The following PGBD2 variants were observed in gnomAD, a reference collection of about 807,000 sequenced individuals.
PGBD2 encodes the protein piggyBac transposable element-derived protein 2.
In PGBD2, 6 loss-of-function variants were observed where a neutral mutation model predicts 8.1. That is an observed-to-expected ratio of 0.74 (90% CI 0.40 to 1.46). PGBD2 has a LOEUF of 1.46. Ranked by LOEUF, PGBD2 falls within the 40% of genes most tolerant of loss-of-function variation. The probability of loss-of-function intolerance (pLI) is 0.02; values close to 1 mark genes in which losing one functional copy is unlikely to be tolerated. For synonymous variants in PGBD2, 318 were observed against 272.2 expected (o/e 1.17, Z -1.66); for missense variants, 802 against 739.0 (o/e 1.09, Z -0.99).
chr1:248,878,402 T>TA, the PGBD2 span, among the ~76,000 whole-genome samples: 1 of 152,084 alleles, frequency 6.6e-6, no homozygotes, highest in East Asian at 1.9e-4. Flanking sequence ...TGGTCTCGAA[T>TA]TCCTGACCTC....
downstream of PGBD2, chr1:248,919,946 G>A (rs1015397797): frequency 2.0e-5 from 3 of 152,376 alleles, no homozygotes; most frequent in African/African-American, 7.2e-5. Context: ...GCGCAATCTC[G>A]GCTCACTGCA....
intron 1 of PGBD2, chr1:248,906,564 G>T (rs970892812): frequency 1.3e-5 from 2 of 148,798 alleles, no homozygotes; most frequent in Non-Finnish European, 3.0e-5. Flanking sequence ...GGCCGGGCCG[G>T]CTGAGCGGGA....
chr1:248,874,231 A>ATT, the PGBD2 span, among the ~76,000 whole-genome samples: 2 of 152,156 alleles, frequency 1.3e-5, no homozygotes, highest in African/African-American at 4.8e-5. Flanking sequence ...CATATTGCTA[A>ATT]ATGACGCATC....
At chr1:248,920,959 T>C (rs1454218227), downstream of PGBD2, among the ~76,000 whole-genome samples, 1 of 152,092 alleles carries the variant, frequency 6.6e-6, no homozygotes, top group East Asian at 1.9e-4. Flanking sequence ...GAAGTGTCTG[T>C]TCATATTCTT....
the PGBD2 span, among the ~76,000 whole-genome samples, chr1:248,891,063 C>T: frequency 1.3e-5 from 2 of 152,174 alleles, no homozygotes; most frequent in African/African-American, 4.8e-5. Context: ...ATCACTCACG[C>T]ACTGACGCAT....
downstream of PGBD2, among the ~76,000 whole-genome samples, chr1:248,923,859 G>T (rs1018218808): frequency 6.6e-6 from 1 of 152,166 alleles, no homozygotes; most frequent in African/African-American, 2.4e-5. Flanking sequence ...GAGTTACTTG[G>T]CTGGACCTCA....
the PGBD2 span, among the ~76,000 whole-genome samples, chr1:248,883,594 T>C: frequency 7.2e-6 from 1 of 139,574 alleles, no homozygotes; most frequent in East Asian, 2.0e-4. Context: ...CTTTTTTTTT[T>C]TTTTTTTTTT....
At chr1:248,908,684 ATT>A (rs35383461) in intron 1 of PGBD2, among the ~76,000 whole-genome samples, 1 of 146,194 alleles carries the variant, frequency 6.8e-6, no homozygotes, top group East Asian at 2.0e-4. Context: ...CTCTTCCTGT[ATT>A]TTTTTTTTTT....
chr1:248,906,674 C>T, intron 1 of PGBD2, among the ~76,000 whole-genome samples: 1 of 1,970 alleles, frequency 5.1e-4, no homozygotes, highest in East Asian at 9.3e-3. Context: ...GCGGGGTGGG[C>T]GGGACGAAGG....
At chr1:248,874,369 C>G in the PGBD2 span, among the ~76,000 whole-genome samples, 1 of 152,126 alleles carries the variant, frequency 6.6e-6, no homozygotes, top group Non-Finnish European at 1.5e-5. Flanking sequence ...AGGTGATGTT[C>G]CCAGAGTCAG....
chr1:248,915,415 G>C (rs1316426896), intron 2 of PGBD2, among the ~76,000 whole-genome samples: 1 of 152,166 alleles, frequency 6.6e-6, no homozygotes, highest in Non-Finnish European at 1.5e-5. Flanking sequence ...AATTATATGA[G>C]CTATTTAATA....
the PGBD2 span, among the ~76,000 whole-genome samples, chr1:248,895,374 G>T: frequency 6.6e-6 from 1 of 152,158 alleles, no homozygotes; most frequent in African/African-American, 2.4e-5. Context: ...AGAGGAGGAA[G>T]GACAAAGAGG....
the PGBD2 span, among the ~76,000 whole-genome samples, chr1:248,881,116 T>C: frequency 1.3e-5 from 2 of 152,086 alleles, no homozygotes; most frequent in Non-Finnish European, 2.9e-5. Flanking sequence ...GTGGAGTATC[T>C]GAGAACCTTC....
At chr1:248,913,710 T>C (rs2103111529) in intron 1 of PGBD2, 106 bp from the exon 2 acceptor site, 1 of 703,738 alleles carries the variant, frequency 1.4e-6, no homozygotes, top group South Asian at 1.7e-5. Context: ...ATTAAGGTGG[T>C]GAATCTTAAG....
the PGBD2 span, among the ~76,000 whole-genome samples, chr1:248,873,962 ATTCG>A: frequency 6.6e-6 from 1 of 152,122 alleles, no homozygotes; most frequent in Admixed American, 6.6e-5. Context: ...CTTCTGACAC[ATTCG>A]TTTTATTAGC....
chr1:248,922,595 G>C (rs1453321439), downstream of PGBD2, among the ~76,000 whole-genome samples: 1 of 152,122 alleles, frequency 6.6e-6, no homozygotes, highest in Non-Finnish European at 1.5e-5. Context: ...CTATGAGTTT[G>C]TCATAAACAG....
the PGBD2 span, among the ~76,000 whole-genome samples, chr1:248,926,818 T>C: frequency 6.6e-6 from 1 of 152,308 alleles, no homozygotes; most frequent in East Asian, 1.9e-4. Flanking sequence ...CCATATGTTC[T>C]TATTTTAAGG....
intron 1 of PGBD2, among the ~76,000 whole-genome samples, chr1:248,907,605 G>A (rs1216373876): frequency 1.3e-5 from 2 of 152,156 alleles, no homozygotes; most frequent in Non-Finnish European, 2.9e-5. Flanking sequence ...GCTTTTCATG[G>A]TGCATTGCGC....
the PGBD2 span, among the ~76,000 whole-genome samples, chr1:248,890,812 ACAC>A: frequency 5.3e-5 from 8 of 150,426 alleles, no homozygotes; most frequent in African/African-American, 1.7e-4. Flanking sequence ...CACACCACAC[ACAC>A]AACATACACC....
Sources: allele counts gnomAD v4.1 joint callset (sites outside exome capture counted in the v4.1 genomes callset), GRCh38; gene constraint gnomAD v4.1.1; transcripts MANE v1.5; gene names NCBI Gene and HGNC (gene_info 2026-07-23, HGNC 2026-07-21).